Variants in TBC1D22A observed in about 807,000 individuals in gnomAD.
TBC1D22A encodes the protein putative GTPase activator.
A neutral mutation model predicts 60.2 loss-of-function variants in TBC1D22A; 38 were observed. The ratio of observed to expected loss-of-function variants is 0.63; its 90% CI spans 0.49 to 0.83. TBC1D22A has a LOEUF of 0.83. Ranked by LOEUF, TBC1D22A falls within the 40% of genes least tolerant of loss-of-function variation. TBC1D22A has a pLI of 0.00. For missense variants in TBC1D22A, 628 were observed against 701.0 expected (o/e 0.90, Z 1.18); for synonymous variants, 302 against 281.7 (o/e 1.07, Z -0.72).
At chr22:47,145,900 G>C (rs924411934) in intron 12 of TBC1D22A, among the ~76,000 whole-genome samples, 20 of 152,222 alleles carry the variant, frequency 1.3e-4, no homozygotes, top group Non-Finnish European at 2.6e-4. Flanking sequence ...GTGTGGGGAC[G>C]CACTGGATTG....
intron 11 of TBC1D22A, among the ~76,000 whole-genome samples, chr22:47,062,160 C>T (rs2063604945): frequency 6.7e-6 from 1 of 149,784 alleles, no homozygotes; most frequent in East Asian, 2.0e-4. Flanking sequence ...TCAGTCAGAA[C>T]GCGGATTGTT....
chr22:46,843,990 G>A (rs1424006831), intron 4 of TBC1D22A, among the ~76,000 whole-genome samples: 1 of 151,872 alleles, frequency 6.6e-6, no homozygotes, highest in Non-Finnish European at 1.5e-5. Context: ...AAGGCAGATA[G>A]ATGTTTGTGG....
intron 7 of TBC1D22A, among the ~76,000 whole-genome samples, chr22:46,897,841 A>T (rs1471631672): frequency 6.6e-6 from 1 of 151,676 alleles, no homozygotes; most frequent in Admixed American, 6.6e-5. Context: ...TTTGTTTTGC[A>T]TGTTGATTGC....
At chr22:47,101,522 G>C (rs976706616) in intron 11 of TBC1D22A, among the ~76,000 whole-genome samples, 5 of 152,278 alleles carry the variant, frequency 3.3e-5, no homozygotes, top group African/African-American at 1.2e-4. Context: ...TGCCTGTGGG[G>C]CGAGGCGGCC....
At chr22:46,841,869 CAT>C (rs764193436) in intron 4 of TBC1D22A, among the ~76,000 whole-genome samples, 10 of 152,190 alleles carry the variant, frequency 6.6e-5, no homozygotes, top group Non-Finnish European at 1.0e-4. Flanking sequence ...GTAACTGTAA[CAT>C]GTGAGGTGAA....
intron 8 of TBC1D22A, among the ~76,000 whole-genome samples, chr22:46,931,871 C>T (rs1385699288): frequency 6.6e-6 from 1 of 152,130 alleles, no homozygotes; most frequent in Non-Finnish European, 1.5e-5. Context: ...TTATTTTGTT[C>T]CTAGAAATGT....
At chr22:47,048,267 C>G (rs1442916080) in intron 11 of TBC1D22A, among the ~76,000 whole-genome samples, 1 of 152,112 alleles carries the variant, frequency 6.6e-6, no homozygotes, top group Non-Finnish European at 1.5e-5. Flanking sequence ...CTCAGAGCAC[C>G]CCCTTAGCAC....
At chr22:46,776,164 A>G (rs1352401226) in intron 1 of TBC1D22A, among the ~76,000 whole-genome samples, 2 of 152,216 alleles carry the variant, frequency 1.3e-5, no homozygotes, top group Non-Finnish European at 2.9e-5. Context: ...ATTAAAGTGG[A>G]CTTTGAAGGT....
chr22:46,878,843 A>C, intron 5 of TBC1D22A, 120 bp downstream of exon 5: 1 of 813,828 alleles, frequency 1.2e-6, no homozygotes, highest in Non-Finnish European at 2.0e-6. Context: ...TGTTGCAGTG[A>C]TAAAGGCCTT....
chr22:46,807,789 A>T (rs549637363), intron 4 of TBC1D22A, among the ~76,000 whole-genome samples: 4 of 152,160 alleles, frequency 2.6e-5, no homozygotes, highest in Non-Finnish European at 5.9e-5. Flanking sequence ...TTAATAGGAC[A>T]TGAAGAGTTC....
chr22:47,012,105 A>G (rs937505632), intron 10 of TBC1D22A, among the ~76,000 whole-genome samples: 2 of 151,910 alleles, frequency 1.3e-5, no homozygotes, highest in Non-Finnish European at 2.9e-5. Flanking sequence ...GCAATCGACC[A>G]TCGTGCTGGG....
chr22:46,835,869 C>A (rs1306076481), intron 4 of TBC1D22A, among the ~76,000 whole-genome samples: 2 of 152,048 alleles, frequency 1.3e-5, no homozygotes, highest in East Asian at 3.8e-4. Context: ...AGAGAATGTC[C>A]TAAGACTATC....
chr22:46,794,472 T>C (rs1297532096), intron 3 of TBC1D22A, among the ~76,000 whole-genome samples: 7 of 152,144 alleles, frequency 4.6e-5, no homozygotes, highest in African/African-American at 1.4e-4. Context: ...CTGCTGCTCT[T>C]TATGTGTTGC....
At chr22:46,904,089 T>C (rs1038822783) in intron 7 of TBC1D22A, among the ~76,000 whole-genome samples, 1 of 135,198 alleles carries the variant, frequency 7.4e-6, no homozygotes, top group Admixed American at 7.2e-5. Context: ...TATACATATC[T>C]AAATAAAATC....
rs1405245277 is a variant in TBC1D22A at position 46,853,377 on chromosome 22, A to G, written c.638-25276A>G. Among the ~76,000 whole-genome samples the G allele has an allele frequency of 1.3e-5, 2 of 152,202 alleles. 1 individual carries two copies. Among genetic ancestry groups the G allele is most frequent in the East Asian group, 3.9e-4 (2 of 5,182 alleles). ...CCTTCAGGATGTTCTACTCAACCGT[A>G]CCGTGGAAGGATGGGCGCAGGAAAT... is the stretch of plus-strand genomic sequence containing the variant. On this transcript the variant is annotated intron_variant, in intron 4 of 12. Coordinates refer to ENST00000337137, the MANE Select transcript of TBC1D22A (RefSeq NM_014346.5).
rs2147518974 is a variant in TBC1D22A, at chr22:46,881,987, C to G, written c.708+3264C>G. 1.3e-5 allele frequency among the ~76,000 whole-genome samples: 2 copies of G among 152,246 alleles called. 1 individual carries two copies. The highest frequency in any genetic ancestry group is 4.1e-4 in the South Asian group (2 of 4,824). On this transcript the variant is annotated intron_variant, in intron 5 of 12. Transcript: ENST00000337137. ...CTCACACATCTGCCCTCAGCCAGGC[C>G]CTCTGCAGGTGCTGGGGTTACAAGA...
At chr22:47,134,627 A>G (rs1368819281) in intron 12 of TBC1D22A, among the ~76,000 whole-genome samples, 1 of 152,224 alleles carries the variant, frequency 6.6e-6, no homozygotes. Flanking sequence ...GCAGCCTGGG[A>G]GTGTCCTGTG....
intron 7 of TBC1D22A, among the ~76,000 whole-genome samples, chr22:46,897,640 G>GTTTTTTTGTTTTTTT (rs1569189469): frequency 1.7e-4 from 18 of 108,366 alleles, no homozygotes; most frequent in African/African-American, 6.4e-4. Flanking sequence ...GTTTCGTTTT[G>GTTTTTTTGTTTTTTT]TTTTTTTTTG....
chr22:46,913,342 G>A (rs758299440), intron 8 of TBC1D22A: 2 of 1,366,440 alleles, frequency 1.5e-6, no homozygotes, highest in African/African-American at 2.9e-5. Flanking sequence ...AGCCTTTCCA[G>A]GTTGTGGTCG....
Sources: gnomAD v4.1 joint callset for allele counts (sites outside exome capture counted in the v4.1 genomes callset) on GRCh38, gnomAD v4.1.1 for gene constraint, MANE v1.5 for transcripts, NCBI Gene and HGNC (gene_info 2026-07-23, HGNC 2026-07-21) for gene names.